Variants in RBMS3 observed in about 807,000 individuals in gnomAD.
RBMS3 encodes RNA binding motif single stranded interacting protein 3.
Under a neutral mutation model 66.8 loss-of-function variants are expected in RBMS3, and 27 were observed. That is an observed-to-expected ratio of 0.40 (90% CI 0.30 to 0.56). The LOEUF (loss-of-function observed/expected upper bound fraction) is 0.56, where lower values mean the gene tolerates loss of function less well. Among genes scored for constraint, RBMS3 ranks in the 20% least tolerant of loss-of-function variants. The pLI is 0.40. For missense variants in RBMS3, 513 were observed against 549.5 expected (o/e 0.93, Z 0.66); for synonymous variants, 188 against 183.0 (o/e 1.03, Z -0.22).
intron 1 of RBMS3, among the ~76,000 whole-genome samples, chr3:29,345,210 G>A (rs2036503419): frequency 6.6e-6 from 1 of 152,110 alleles, no homozygotes; most frequent in Admixed American, 6.5e-5. Flanking sequence ...GAGCTAAGGG[G>A]CAGCAATTTG....
chr3:29,740,033 C>T, intron 5 of RBMS3, 156 bp downstream of exon 5: 1 of 538,074 alleles, frequency 1.9e-6, no homozygotes, highest in Non-Finnish European at 3.0e-6. Context: ...TGTGTCTTTG[C>T]TTGGAGCTAA....
At position 29,362,216 on chromosome 3, in the gene RBMS3, A is replaced by G. The variant is rs147026746; in HGVS notation, c.76-72527A>G. ...GGTCTTTGATGATGGTGACGTACAC[A>G]TGGGGTTTTGGTGTGGATGTCCTTT... On this transcript the variant is annotated intron_variant, in intron 1 of 14. Coordinates refer to ENST00000383767, the MANE Select transcript of RBMS3 (RefSeq NM_001003793.3). 5.8e-3 allele frequency among the ~76,000 whole-genome samples: 883 copies of G among 152,164 alleles called. 6 individuals are homozygous for G. Among genetic ancestry groups the G allele is most frequent in the African/African-American group, 0.02 (850 of 41,518 alleles).
chr3:29,353,409 GT>G (rs1559510155), intron 1 of RBMS3, among the ~76,000 whole-genome samples: 3 of 151,806 alleles, frequency 2.0e-5, no homozygotes, highest in Non-Finnish European at 2.9e-5. Context: ...GCCATTTTGC[GT>G]TAAAGGAGTA....
intron 7 of RBMS3, among the ~76,000 whole-genome samples, chr3:29,870,735 T>A (rs536618425): frequency 6.6e-6 from 1 of 152,272 alleles, no homozygotes; most frequent in Non-Finnish European, 1.5e-5. Flanking sequence ...ATATTCCTAA[T>A]CTTTGTTTTC....
intron 14 of RBMS3, among the ~76,000 whole-genome samples, chr3:30,002,506 T>G (rs1312106729): frequency 1.3e-5 from 2 of 152,074 alleles, no homozygotes; most frequent in South Asian, 4.1e-4. Flanking sequence ...CTAGAGACAG[T>G]TAAAATATAA....
intron 2 of RBMS3, among the ~76,000 whole-genome samples, chr3:29,471,082 A>G (rs980513777): frequency 6.6e-6 from 1 of 152,222 alleles, no homozygotes; most frequent in African/African-American, 2.4e-5. Context: ...CGCCAGATAC[A>G]AAATAATTTA....
At chr3:29,388,080 CACAG>C (rs906892864) in intron 1 of RBMS3, among the ~76,000 whole-genome samples, 1 of 106,758 alleles carries the variant, frequency 9.4e-6, no homozygotes, top group African/African-American at 4.7e-5. Context: ...TCTACACACA[CACAG>C]ACACACACAC....
intron 6 of RBMS3, among the ~76,000 whole-genome samples, chr3:29,860,616 A>G (rs2059188901): frequency 6.6e-6 from 1 of 152,080 alleles, no homozygotes; most frequent in South Asian, 2.1e-4. Context: ...TTTTCCTTTT[A>G]CTTGGCTTTC....
At chr3:29,732,561 C>T (rs1447128626) in intron 4 of RBMS3, among the ~76,000 whole-genome samples, 2 of 152,056 alleles carry the variant, frequency 1.3e-5, no homozygotes, top group African/African-American at 4.8e-5. Flanking sequence ...GCTGAAACAG[C>T]AGGCTTCCAT....
At chr3:29,893,840 T>C (rs1287659951) in intron 8 of RBMS3, among the ~76,000 whole-genome samples, 1 of 151,504 alleles carries the variant, frequency 6.6e-6, no homozygotes, top group Non-Finnish European at 1.5e-5. Context: ...CCTTCTCCTA[T>C]GGTCCTGCCA....
At chr3:29,815,085 C>G (rs961976156) in intron 6 of RBMS3, among the ~76,000 whole-genome samples, 1 of 152,148 alleles carries the variant, frequency 6.6e-6, no homozygotes, top group African/African-American at 2.4e-5. Flanking sequence ...TGAACATTAG[C>G]TTACCTTCAT....
intron 10 of RBMS3, among the ~76,000 whole-genome samples, chr3:29,918,977 C>T (rs2060704376): frequency 6.6e-6 from 1 of 151,936 alleles, no homozygotes; most frequent in Non-Finnish European, 1.5e-5. Context: ...GTTATAAAAA[C>T]AAGCAAAAAG....
At chr3:29,406,171 C>T (rs911930046) in intron 1 of RBMS3, among the ~76,000 whole-genome samples, 4 of 152,128 alleles carry the variant, frequency 2.6e-5, no homozygotes, top group African/African-American at 7.2e-5. Context: ...CATTCAGCAT[C>T]GAGATCTGCT....
chr3:29,975,081 A>G (rs1697488064), intron 12 of RBMS3, among the ~76,000 whole-genome samples: 1 of 139,330 alleles, frequency 7.2e-6, no homozygotes, highest in South Asian at 2.2e-4. Flanking sequence ...TATTTTATAT[A>G]TAAAATACAT....
intron 4 of RBMS3, among the ~76,000 whole-genome samples, chr3:29,629,336 T>G (rs2049195055): frequency 6.6e-6 from 1 of 152,110 alleles, no homozygotes; most frequent in Non-Finnish European, 1.5e-5. Flanking sequence ...GTGTCTCAGT[T>G]TCTTCATTTG....
At chr3:29,332,523 C>A (rs1490078417) in intron 1 of RBMS3, among the ~76,000 whole-genome samples, 2 of 152,078 alleles carry the variant, frequency 1.3e-5, no homozygotes, top group Admixed American at 6.6e-5. Flanking sequence ...CCCTGGGCAC[C>A]AAAGACAGCT....
intron 1 of RBMS3, among the ~76,000 whole-genome samples, chr3:29,367,166 T>C (rs2037956920): frequency 6.6e-6 from 1 of 152,134 alleles, no homozygotes; most frequent in Non-Finnish European, 1.5e-5. Context: ...TTCCATTTTA[T>C]GAAAAAACTG....
At chr3:29,964,439 TAAAC>T (rs1696691261) in intron 12 of RBMS3, among the ~76,000 whole-genome samples, 1 of 152,172 alleles carries the variant, frequency 6.6e-6, no homozygotes, top group Non-Finnish European at 1.5e-5. Flanking sequence ...AGGATAAGCT[TAAAC>T]AAACTGGTTA....
At chr3:29,374,517 A>T (rs1575649464) in intron 1 of RBMS3, among the ~76,000 whole-genome samples, 2 of 152,318 alleles carry the variant, frequency 1.3e-5, no homozygotes, top group Non-Finnish European at 2.9e-5. Flanking sequence ...TTTCACTTTC[A>T]GTACAGTAGT....
Sources: allele counts gnomAD v4.1 joint callset (sites outside exome capture counted in the v4.1 genomes callset), GRCh38; gene constraint gnomAD v4.1.1; transcripts MANE v1.5; gene names NCBI Gene and HGNC (gene_info 2026-07-23, HGNC 2026-07-21).